Variants in ASTN2 observed in about 807,000 individuals in gnomAD.
ASTN2 encodes astrotactin 2, also known as astrotactin-2.
A neutral mutation model predicts 139.8 loss-of-function variants in ASTN2; 54 were observed. The ratio of observed to expected loss-of-function variants is 0.39; its 90% CI spans 0.31 to 0.48. The LOEUF (loss-of-function observed/expected upper bound fraction) is 0.48. Ranked by LOEUF, ASTN2 falls within the 20% of genes least tolerant of loss-of-function variation. The pLI is 0.95. For missense variants in ASTN2, 1,565 were observed against 1,725.1 expected, an observed-to-expected ratio of 0.91 and a Z score of 1.64; for synonymous variants, 756 against 719.5, an observed-to-expected ratio of 1.05 and a Z score of -0.81.
chr9:117,109,197 G>A (rs1053746246), intron 4 of ASTN2, among the ~76,000 whole-genome samples: 5 of 151,938 alleles, frequency 3.3e-5, no homozygotes, highest in East Asian at 1.9e-4. Flanking sequence ...CAGGAAAATC[G>A]CTTGAACCTG....
intron 19 of ASTN2, among the ~76,000 whole-genome samples, chr9:116,566,568 C>G (rs1256021835): frequency 2.6e-5 from 4 of 152,136 alleles, no homozygotes; most frequent in Non-Finnish European, 4.4e-5. Flanking sequence ...ATGTAGTGAC[C>G]TGGATCAACA....
chr9:117,372,412 A>C (rs1188259352), intron 1 of ASTN2, among the ~76,000 whole-genome samples: 1 of 152,142 alleles, frequency 6.6e-6, no homozygotes, highest in Non-Finnish European at 1.5e-5. Flanking sequence ...GACCCCATTC[A>C]TATGGCCATT....
At chr9:117,412,727 G>C (rs1486210242) in intron 1 of ASTN2, among the ~76,000 whole-genome samples, 1 of 152,146 alleles carries the variant, frequency 6.6e-6, no homozygotes, top group Non-Finnish European at 1.5e-5. Context: ...CCCCGGAGTA[G>C]AGAGATCTAA....
chr9:117,238,926 G>A (rs1200385205), intron 2 of ASTN2, among the ~76,000 whole-genome samples: 3 of 152,158 alleles, frequency 2.0e-5, no homozygotes, highest in Non-Finnish European at 4.4e-5. Flanking sequence ...CTGTTTACAT[G>A]CAGATATTAA....
chr9:117,274,302 A>G (rs1834133903), intron 2 of ASTN2, among the ~76,000 whole-genome samples: 1 of 152,192 alleles, frequency 6.6e-6, no homozygotes, highest in South Asian at 2.1e-4. Flanking sequence ...GTGAGCCAAG[A>G]TCGCACCACT....
At chr9:116,770,038 A>G (rs571399408) in intron 13 of ASTN2, among the ~76,000 whole-genome samples, 192 of 152,128 alleles carry the variant, frequency 1.3e-3, no homozygotes, top group African/African-American at 4.0e-3. Flanking sequence ...TAATTAATTA[A>G]TAAATAGTGA....
At chr9:117,340,172 A>G (rs1162945797) in intron 1 of ASTN2, among the ~76,000 whole-genome samples, 1 of 151,478 alleles carries the variant, frequency 6.6e-6, no homozygotes, top group African/African-American at 2.4e-5. Flanking sequence ...TAAAAATACA[A>G]AAAAAATTAG....
chr9:117,241,931 C>G (rs548718367), intron 2 of ASTN2, among the ~76,000 whole-genome samples: 85 of 149,882 alleles, frequency 5.7e-4, no homozygotes, highest in Admixed American at 1.2e-3. Flanking sequence ...GTTACCCCCC[C>G]CCACACACAC....
intron 11 of ASTN2, among the ~76,000 whole-genome samples, chr9:116,856,303 A>G (rs1299439238): frequency 6.6e-6 from 1 of 152,326 alleles, no homozygotes; most frequent in African/African-American, 2.4e-5. Flanking sequence ...CTGGAAAGGA[A>G]AAACAAGTCT....
chr9:116,985,358 G>T (rs1836646551), intron 7 of ASTN2, among the ~76,000 whole-genome samples: 2 of 152,218 alleles, frequency 1.3e-5, no homozygotes, highest in South Asian at 4.1e-4. Flanking sequence ...ACAGGCTGGT[G>T]ATCAGGTCTG....
chr9:117,321,806 T>C (rs919521256), intron 1 of ASTN2, among the ~76,000 whole-genome samples: 1 of 152,278 alleles, frequency 6.6e-6, no homozygotes, highest in Non-Finnish European at 1.5e-5. Context: ...ATTGTAGGGA[T>C]GTTGAGCAGC....
chr9:117,184,014 A>T (rs1226976345), intron 3 of ASTN2, among the ~76,000 whole-genome samples: 1 of 152,204 alleles, frequency 6.6e-6, no homozygotes, highest in Non-Finnish European at 1.5e-5. Context: ...AACACTCAGG[A>T]GAACCCTCTC....
At chr9:117,263,239 C>T (rs544234687) in intron 2 of ASTN2, among the ~76,000 whole-genome samples, 17 of 152,118 alleles carry the variant, frequency 1.1e-4, no homozygotes, top group Middle Eastern at 3.4e-3. Context: ...ATCTTATGAC[C>T]GGGAGAGATT....
At chr9:116,448,612 T>G (rs1218445970) in intron 20 of ASTN2, among the ~76,000 whole-genome samples, 1 of 152,232 alleles carries the variant, frequency 6.6e-6, no homozygotes, top group African/African-American at 2.4e-5. Flanking sequence ...TGGATTTGAA[T>G]CTGGATTCTA....
intron 4 of ASTN2, among the ~76,000 whole-genome samples, chr9:117,124,246 T>C (rs571420743): frequency 6.6e-5 from 10 of 152,168 alleles, no homozygotes; most frequent in Non-Finnish European, 1.5e-4. Flanking sequence ...AAAAAGTTGC[T>C]TTCCCTCTCT....
At chr9:117,037,806 TGCCATTTTCTG>T (rs1192990957) in intron 6 of ASTN2, among the ~76,000 whole-genome samples, 1 of 152,172 alleles carries the variant, frequency 6.6e-6, no homozygotes, top group Non-Finnish European at 1.5e-5. Context: ...ACTCCTCCAT[TGCCATTTTCTG>T]GCCACTTCCA....
intron 16 of ASTN2, among the ~76,000 whole-genome samples, chr9:116,681,223 A>G (rs2132020642): frequency 6.6e-6 from 1 of 152,344 alleles, no homozygotes; most frequent in East Asian, 1.9e-4. Flanking sequence ...ATTCTTATAT[A>G]CCAATAACAG....
chr9:116,980,116 A>G (rs1418613131), intron 7 of ASTN2, among the ~76,000 whole-genome samples: 1 of 152,132 alleles, frequency 6.6e-6, no homozygotes, highest in Non-Finnish European at 1.5e-5. Context: ...CAGCAGATGG[A>G]CCCGGTCCCA....
intron 5 of ASTN2, among the ~76,000 whole-genome samples, chr9:117,094,135 T>C (rs60425275): frequency 7.8e-4 from 10 of 12,784 alleles, no homozygotes; most frequent in African/African-American, 2.5e-3. Flanking sequence ...AGGGAGGGAC[T>C]AAGGGAGGGA....
Sources: allele counts gnomAD v4.1 joint callset (sites outside exome capture counted in the v4.1 genomes callset), GRCh38; gene constraint gnomAD v4.1.1; transcripts MANE v1.5; gene names NCBI Gene and HGNC (gene_info 2026-07-23, HGNC 2026-07-21).